PPFIBP1: variants seen among roughly 807,000 people sequenced by gnomAD.
PPFIBP1 encodes the protein liprin-beta-1.
A neutral mutation model predicts 137.8 loss-of-function variants in PPFIBP1; 112 were observed. That is an observed-to-expected ratio of 0.81 (90% CI 0.70 to 0.95). The LOEUF (loss-of-function observed/expected upper bound fraction) is 0.95, where lower values mean the gene tolerates loss of function less well. Ranked by LOEUF, PPFIBP1 falls within the 40% of genes least tolerant of loss-of-function variation. The pLI, the probability that PPFIBP1 is intolerant of heterozygous loss-of-function variation, is 0.00. For missense variants in PPFIBP1, 1,083 were observed against 1,196.6 expected (o/e 0.91, Z 1.40); for synonymous variants, 378 against 417.3 (o/e 0.91, Z 1.15).
rs568611260 is a variant in PPFIBP1, at chr12:27,647,286, C to T, written c.358-443C>T. 9.9e-5 allele frequency among the ~76,000 whole-genome samples: 15 copies of T among 152,224 alleles called. No homozygotes were observed. The East Asian group carries it at 2.3e-3, about 24-fold the overall frequency. ...AAAGTGCTGGGATTACAGGCGTGAG[C>T]CACCGTGCATGCTACCTCTCCCCCC... On this transcript the variant is annotated intron_variant, in intron 5 of 29. Transcript: ENST00000228425.
chr12:27,593,720 C>T, intron 2 of PPFIBP1: 1 of 624,130 alleles, frequency 1.6e-6, no homozygotes, highest in East Asian at 2.9e-5. Flanking sequence ...CATTTAGAAG[C>T]CTATTAGCTA....
intron 1 of PPFIBP1, among the ~76,000 whole-genome samples, chr12:27,536,968 C>T (rs899050967): frequency 1.3e-5 from 2 of 152,058 alleles, no homozygotes; most frequent in Admixed American, 6.6e-5. Flanking sequence ...TGGGTGGTAG[C>T]CTAGGGGACT....
chr12:27,570,326 A>C lies in PPFIBP1; in HGVS notation c.-123-7826A>C, dbSNP rs144333662. On this transcript the variant is annotated intron_variant, in intron 1 of 29. Coordinates refer to ENST00000228425, the MANE Select transcript of PPFIBP1 (RefSeq NM_003622.4). Reference sequence around the variant, plus strand: ...AAAATAGCTGGATACTATTCTGCCTATTTGTTGGATGAGAAAACTTGAGGC... The same window carrying C: ...AAAATAGCTGGATACTATTCTGCCTCTTTGTTGGATGAGAAAACTTGAGGC... Among the ~76,000 whole-genome samples the C allele has an allele frequency of 6.6e-5, 10 of 152,256 alleles. No individual in the cohort carries two copies. In the East Asian group the frequency reaches 1.2e-3, roughly 18 times the overall value.
At chr12:27,667,406 TG>T in intron 13 of PPFIBP1, 86 bp downstream of exon 13, 1 of 1,214,734 alleles carries the variant, frequency 8.2e-7, no homozygotes, top group Non-Finnish European at 1.1e-6. Flanking sequence ...ATGAAAAACA[TG>T]GGTTCCTTTC....
intron 1 of PPFIBP1, among the ~76,000 whole-genome samples, chr12:27,533,049 C>G (rs972669311): frequency 5.9e-5 from 9 of 152,156 alleles, no homozygotes; most frequent in Admixed American, 5.9e-4. Flanking sequence ...GTTGCCCAGG[C>G]TGGAGAGCAG....
intron 1 of PPFIBP1, among the ~76,000 whole-genome samples, chr12:27,535,396 T>A (rs1468119606): frequency 6.7e-6 from 1 of 149,746 alleles, no homozygotes; most frequent in East Asian, 1.9e-4. Context: ...TTGTTTTTGT[T>A]GTTGTTGTTG....
chr12:27,593,533 G>A (rs1195287035), intron 2 of PPFIBP1: 2 of 388,268 alleles, frequency 5.2e-6, no homozygotes, highest in Admixed American at 3.2e-5. Context: ...AACCATTTCT[G>A]GAGGGGAGCT....
chr12:27,656,659 C>T lies in PPFIBP1; in HGVS notation c.740C>T (p.Ser247Phe). 1 of 1,612,690 alleles carries T rather than the reference C, an allele frequency of 6.2e-7. No homozygotes were observed. The highest frequency in any genetic ancestry group is 8.5e-7 in the Non-Finnish European group (1 of 1,179,028). ...SLKEQLEEKE[S>F]EVKRLQEKLV... is the part of the protein sequence containing the mutation. Reference sequence around the variant, plus strand: ...AAAGAACAACTAGAAGAAAAGGAATCTGAAGTAAAAAGGCTACAAGAAAAA... The same window carrying T: ...AAAGAACAACTAGAAGAAAAGGAATTTGAAGTAAAAAGGCTACAAGAAAAA... Residue 247 changes from serine to phenylalanine, a missense_variant, in exon 9 of 30, where the codon TCT becomes TTT. Ser to Phe is a radical substitution (Grantham distance 155, BLOSUM62 -2). Coordinates refer to ENST00000228425, the MANE Select transcript of PPFIBP1 (RefSeq NM_003622.4).
chr12:27,660,865 G>C lies in PPFIBP1; in HGVS notation c.845-19G>C. ...ACACATGTGAACTGAACTGACTTCT[G>C]ATTTGATGTTATTTTCAGACATCGA... On this transcript the variant is annotated intron_variant, in intron 10 of 29. Coordinates refer to ENST00000228425, the MANE Select transcript of PPFIBP1 (RefSeq NM_003622.4). The C allele has an allele frequency of 6.2e-7, 1 of 1,612,682 alleles. No homozygotes were observed. The highest frequency in any genetic ancestry group is 8.5e-7 in the Non-Finnish European group (1 of 1,179,460).
intron 2 of PPFIBP1, among the ~76,000 whole-genome samples, chr12:27,609,447 C>A (rs1481822399): frequency 1.3e-5 from 2 of 152,310 alleles, no homozygotes; most frequent in Non-Finnish European, 2.9e-5. Flanking sequence ...TCAGTCCCAT[C>A]TCCTAACATA....
chr12:27,592,284 A>G (rs1032849500), intron 2 of PPFIBP1, among the ~76,000 whole-genome samples: 3 of 152,234 alleles, frequency 2.0e-5, no homozygotes, highest in African/African-American at 7.2e-5. Flanking sequence ...AAGCTTCAAA[A>G]AAGAACAGCA....
intron 1 of PPFIBP1, among the ~76,000 whole-genome samples, chr12:27,530,835 C>T (rs543688596): frequency 6.6e-6 from 1 of 152,306 alleles, no homozygotes; most frequent in South Asian, 2.1e-4. Flanking sequence ...TACTTCTTCC[C>T]TGGAGAAAGT....
intron 19 of PPFIBP1, chr12:27,677,562 C>T (rs1043777183): frequency 6.3e-5 from 10 of 157,878 alleles, no homozygotes; most frequent in Admixed American, 4.9e-4. Context: ...GCTTACTTCT[C>T]TTAGGGGAAC....
intron 2 of PPFIBP1, among the ~76,000 whole-genome samples, chr12:27,603,375 A>C (rs1156874590): frequency 6.6e-6 from 1 of 152,144 alleles, no homozygotes; most frequent in African/African-American, 2.4e-5. Context: ...TGAGGAGACA[A>C]ACTCCTTCCT....
At chr12:27,570,830 G>A (rs1018794857) in intron 1 of PPFIBP1, among the ~76,000 whole-genome samples, 7 of 151,856 alleles carry the variant, frequency 4.6e-5, no homozygotes, top group East Asian at 1.9e-4. Flanking sequence ...GGAGAATGGC[G>A]TGAACCCGGG....
At chr12:27,576,321 G>A (rs991634121) in intron 1 of PPFIBP1, among the ~76,000 whole-genome samples, 3 of 152,162 alleles carry the variant, frequency 2.0e-5, no homozygotes, top group African/African-American at 7.2e-5. Context: ...GGAATTCCCA[G>A]CAAAGAGGCT....
At chr12:27,627,914 A>C (rs2056960205) in intron 2 of PPFIBP1, among the ~76,000 whole-genome samples, 1 of 149,472 alleles carries the variant, frequency 6.7e-6, no homozygotes, top group African/African-American at 2.5e-5. Context: ...TTATTAAGCC[A>C]TTGGAATAGG....
intron 2 of PPFIBP1, chr12:27,584,056 A>G (rs984072446): frequency 3.9e-5 from 6 of 152,222 alleles, no homozygotes; most frequent in African/African-American, 1.4e-4. Context: ...GGGTCCTGCG[A>G]GCCTTTGACC....
At chr12:27,683,213 G>A (rs1350391299) in intron 24 of PPFIBP1, among the ~76,000 whole-genome samples, 1 of 151,968 alleles carries the variant, frequency 6.6e-6, no homozygotes, top group Non-Finnish European at 1.5e-5. Flanking sequence ...ACAGGCTCAC[G>A]CCACCATACC....
Sources: gnomAD v4.1 joint callset for allele counts (sites outside exome capture counted in the v4.1 genomes callset) on GRCh38, gnomAD v4.1.1 for gene constraint, MANE v1.5 for transcripts, NCBI Gene and HGNC (gene_info 2026-07-23, HGNC 2026-07-21) for gene names.